PROM1: variants seen among roughly 807,000 people sequenced by gnomAD.
The protein encoded by PROM1 is prominin 1.
PROM1 carries 105 observed loss-of-function variants against 116.9 expected under a neutral mutation model. The ratio of observed to expected loss-of-function variants is 0.90; its 90% CI spans 0.77 to 1.06. The LOEUF is 1.06. Among genes scored for constraint, PROM1 ranks in the 50% least tolerant of loss-of-function variants. PROM1 has a pLI of 0.00. For synonymous variants in PROM1, 393 were observed against 387.0 expected (o/e 1.02, Z -0.18); for missense variants, 1,122 against 1,045.2 (o/e 1.07, Z -1.01).
chr4:16,023,477 T>G, intron 7 of PROM1, 62 bp from the exon 8 acceptor site: 2 of 1,312,610 alleles, frequency 1.5e-6, no homozygotes, highest in Non-Finnish European at 2.1e-6. Flanking sequence ...CACCCCTCCC[T>G]CATTCTCTCC....
In PROM1 at chr4:16,034,220, T is replaced by C. The variant is rs115958506; in HGVS notation, c.304-711A>G. Among the ~76,000 whole-genome samples the C allele has an allele frequency of 4.5e-3, 685 of 152,268 alleles. 2 individuals carry two copies. Among genetic ancestry groups the C allele is most frequent in the African/African-American group, 0.016 (644 of 41,548 alleles). ...GCACTTTGGATTGGCTGGCAAACAATTACTCAAGAATCTGGAATGTATCTT... is the reference window on the plus strand; with the variant it reads ...GCACTTTGGATTGGCTGGCAAACAACTACTCAAGAATCTGGAATGTATCTT... On this transcript the variant is annotated intron_variant, in intron 4 of 27. Coordinates refer to ENST00000447510, the MANE Select transcript of PROM1 (RefSeq NM_006017.3).
intron 2 of PROM1, among the ~76,000 whole-genome samples, chr4:16,051,242 T>C (rs1204430591): frequency 6.6e-6 from 1 of 152,216 alleles, no homozygotes; most frequent in Non-Finnish European, 1.5e-5. Context: ...CTGGCACTGC[T>C]TAAATAAAAA....
intron 13 of PROM1, chr4:16,003,295 C>CA: frequency 4.4e-6 from 2 of 456,688 alleles, no homozygotes; most frequent in South Asian, 3.1e-5. Context: ...ACTAATACTG[C>CA]AAAACACCTC....
chr4:16,081,204 C>G (rs905405455), intron 1 of PROM1, among the ~76,000 whole-genome samples: 1 of 151,984 alleles, frequency 6.6e-6, no homozygotes, highest in African/African-American at 2.4e-5. Flanking sequence ...CTAATGCTAT[C>G]CCTCCCCACT....
chr4:15,972,623 A>G (rs1714877446), intron 26 of PROM1, among the ~76,000 whole-genome samples: 2 of 152,196 alleles, frequency 1.3e-5, no homozygotes, highest in African/African-American at 4.8e-5. Context: ...AGTAACTAAA[A>G]CTAATCCTGG....
At chr4:16,049,095 CAG>C (rs910189548) in intron 2 of PROM1, among the ~76,000 whole-genome samples, 1 of 152,200 alleles carries the variant, frequency 6.6e-6, no homozygotes, top group Non-Finnish European at 1.5e-5. Context: ...CTGGAGAATC[CAG>C]AGAGTGGGGG....
chr4:16,025,091 CTG>C, intron 6 of PROM1, 99 bp downstream of exon 6: 2 of 1,380,594 alleles, frequency 1.4e-6, no homozygotes, highest in South Asian at 2.7e-5. Flanking sequence ...CGCTGATTCA[CTG>C]TGTTTCTAGA....
chr4:15,980,169 C>T (rs1200092462), intron 24 of PROM1: 2 of 592,704 alleles, frequency 3.4e-6, no homozygotes, highest in Non-Finnish European at 5.9e-6. Context: ...AGAGGAACTG[C>T]AAACAAGAAA....
rs779389388 is a variant in PROM1, at chr4:16,033,473, C to G, written c.340G>C (p.Val114Leu). 1 of 1,610,762 alleles carries G rather than the reference C, an allele frequency of 6.2e-7. No homozygotes were observed. The highest frequency in any genetic ancestry group is 8.5e-7 in the Non-Finnish European group (1 of 1,178,578). Residue 114 changes from valine (V) to leucine (L), a missense_variant, in exon 5 of 28, where the codon GTC becomes CTC. Transcript: ENST00000447510. ...YYEAGIILCC[V>L]LGLLFIILMP... ...AGAATAATAAACAGCAGCCCCAGGACACAGCATAGAATAATCCCTGCTTCA... is the reference window on the plus strand; with the variant it reads ...AGAATAATAAACAGCAGCCCCAGGAGACAGCATAGAATAATCCCTGCTTCA...
chr4:15,980,818 G>A (rs1344658671), intron 23 of PROM1, among the ~76,000 whole-genome samples: 8 of 152,006 alleles, frequency 5.3e-5, no homozygotes. Context: ...GGTAAAGCCA[G>A]GATGCGAATC....
intron 23 of PROM1, 105 bp downstream of exon 23, chr4:15,984,158 G>T: frequency 1.0e-6 from 1 of 958,834 alleles, no homozygotes; most frequent in Non-Finnish European, 1.6e-6. Flanking sequence ...TTAGGTTTTG[G>T]ATTCTCTCAA....
At position 15,987,749 on chromosome 4, in the gene PROM1, T is replaced by C. The variant is rs78008671; in HGVS notation, c.2077-33A>G. The C allele has an allele frequency of 1.3e-3, 2,008 of 1,578,864 alleles. 16 individuals carry two copies. The African/African-American group carries it at 0.02, about 16-fold the overall frequency. On this transcript the variant is annotated intron_variant, in intron 19 of 27. Coordinates refer to ENST00000447510, the MANE Select transcript of PROM1 (RefSeq NM_006017.3). ...GAAACAGATAATATTTCCAAAATTA[T>C]TACATGAAGCAGCAAGATCACATAC...
chr4:16,042,559 A>T (rs768411367), intron 2 of PROM1, among the ~76,000 whole-genome samples: 16 of 152,230 alleles, frequency 1.1e-4, no homozygotes, highest in Non-Finnish European at 1.5e-5. Context: ...CCACATCACA[A>T]AATTACACTT....
intron 2 of PROM1, among the ~76,000 whole-genome samples, chr4:16,065,158 C>G (rs1741228438): frequency 6.6e-6 from 1 of 152,134 alleles, no homozygotes; most frequent in Non-Finnish European, 1.5e-5. Context: ...TGCTCAATCT[C>G]CACTGTCTGC....
intron 11 of PROM1, among the ~76,000 whole-genome samples, chr4:16,011,026 A>G (rs1457074875): frequency 6.6e-6 from 1 of 152,088 alleles, no homozygotes; most frequent in African/African-American, 2.4e-5. Flanking sequence ...TGAGATTTTC[A>G]GAGATGGGGA....
intron 2 of PROM1, among the ~76,000 whole-genome samples, chr4:16,043,197 G>A (rs1438503451): frequency 3.3e-5 from 5 of 152,210 alleles, no homozygotes; most frequent in African/African-American, 1.2e-4. Context: ...CTTCTGGTCT[G>A]AGCCAAGTAA....
rs190409657 is a variant in PROM1 at position 15,993,519 on chromosome 4, A to G, written c.1767+468T>C. 3.2e-3 allele frequency among the ~76,000 whole-genome samples: 492 copies of G among 152,284 alleles called. 3 individuals are homozygous for G. The highest frequency in any genetic ancestry group is 5.3e-3 in the Non-Finnish European group (359 of 68,022). ...CGGCTTCCATCCTTTGCTTTAGTTC[A>G]CACTGGAGTCCTGGGGCCACCTTGC... On this transcript the variant is annotated intron_variant, in intron 16 of 27. Coordinates refer to ENST00000447510, the MANE Select transcript of PROM1 (RefSeq NM_006017.3).
Position 16,018,538 on chromosome 4 carries a change from T to C in PROM1, c.787A>G (p.Ile263Val). ...LDEIKSMATA[I>V]KETKEALENM... ...TCCAACGCCTCTTTGGTCTCCTTGA[T>C]CGCTATGGAAACACAGCCCGCTTCA... The change falls in exon 9 of 28, where the codon ATC becomes GTC. Residue 263 changes from isoleucine to valine, a missense_variant and splice_region_variant. By Grantham distance (29) the Ile-to-Val change is conservative. Transcript: ENST00000447510. 6.2e-7 allele frequency: 1 copy of C among 1,604,890 alleles called. No individual in the cohort carries two copies.
At chr4:16,035,095 C>T (rs1733668440) in intron 4 of PROM1, among the ~76,000 whole-genome samples, 2 of 152,126 alleles carry the variant, frequency 1.3e-5, no homozygotes, top group African/African-American at 2.4e-5. Context: ...TTGCTGGGTT[C>T]ATCAAGTATG....
Sources: allele counts gnomAD v4.1 joint callset (sites outside exome capture counted in the v4.1 genomes callset), GRCh38; gene constraint gnomAD v4.1.1; transcripts MANE v1.5; gene names NCBI Gene and HGNC (gene_info 2026-07-23, HGNC 2026-07-21).